UNC13C: variants seen among roughly 807,000 people sequenced by gnomAD.
UNC13C encodes the protein protein unc-13 homolog C.
A neutral mutation model predicts 245.4 loss-of-function variants in UNC13C; 174 were observed. The observed-to-expected ratio is 0.71, with a 90% CI of 0.63 to 0.80. UNC13C has a LOEUF of 0.80. Among genes scored for constraint, UNC13C ranks in the 30% least tolerant of loss-of-function variants. The pLI is 0.00. For synonymous variants in UNC13C, 992 were observed against 895.1 expected, an observed-to-expected ratio of 1.11 and a Z score of -1.93; for missense variants, 2,829 against 2,602.9, an observed-to-expected ratio of 1.09 and a Z score of -1.89.
chr15:53,950,507 A>G, the UNC13C span, among the ~76,000 whole-genome samples: 1 of 151,274 alleles, frequency 6.6e-6, no homozygotes, highest in Non-Finnish European at 1.5e-5. Context: ...ATTCTTCAGT[A>G]CTCTAATTTT....
At chr15:54,250,749 C>CTTTCTTTTTTTTTTTTTTT (rs1475632016) in intron 8 of UNC13C, among the ~76,000 whole-genome samples, 1 of 88,868 alleles carries the variant, frequency 1.1e-5, no homozygotes, top group African/African-American at 3.9e-5. Context: ...TTCTTTCTTT[C>CTTTCTTTTTTTTTTTTTTT]TTTTTTTTTT....
chr15:54,486,191 C>T (rs1193867885), intron 19 of UNC13C, among the ~76,000 whole-genome samples: 1 of 151,138 alleles, frequency 6.6e-6, no homozygotes, highest in Non-Finnish European at 1.5e-5. Flanking sequence ...GGCCGCATCA[C>T]TTGAGGTTAG....
chr15:54,014,709 G>A lies in UNC13C; in HGVS notation c.1806G>A (p.Lys602=), dbSNP rs764208672. ...CAGCGACCCTGTATGACAGTCCCAAGGACCAGCATTTGAATGGAGGTGTTC... is the reference window on the plus strand; with the variant it reads ...CAGCGACCCTGTATGACAGTCCCAAAGACCAGCATTTGAATGGAGGTGTTC... ...EGTATLYDSP[K]DQHLNGGVQG... Residue 602 remains lysine, a synonymous_variant, in exon 2 of 33, where the codon AAG becomes AAA. Coordinates refer to ENST00000260323, the MANE Select transcript of UNC13C (RefSeq NM_001080534.3). The A allele has an allele frequency of 6.2e-7, 1 of 1,613,806 alleles. No homozygotes were observed.
chr15:53,852,971 GCCTC>G, the UNC13C span, among the ~76,000 whole-genome samples: 1 of 151,514 alleles, frequency 6.6e-6, no homozygotes, highest in East Asian at 1.9e-4. Context: ...CACGCACTCT[GCCTC>G]CTCCCCCACC....
At chr15:54,334,592 T>A (rs924239575) in intron 16 of UNC13C, among the ~76,000 whole-genome samples, 3 of 152,100 alleles carry the variant, frequency 2.0e-5, no homozygotes, top group African/African-American at 7.2e-5. Context: ...AAATGGCATT[T>A]TGTAATAAAA....
chr15:54,086,402 C>T (rs1404904239), intron 2 of UNC13C, among the ~76,000 whole-genome samples: 1 of 152,130 alleles, frequency 6.6e-6, no homozygotes, highest in Non-Finnish European at 1.5e-5. Context: ...AAATTATGTT[C>T]CTTATCTCCT....
the UNC13C span, chr15:53,912,117 T>G: frequency 2.6e-5 from 4 of 152,172 alleles, no homozygotes; most frequent in African/African-American, 9.7e-5. Flanking sequence ...CTGGGGTTAC[T>G]AGAGAGAAAA....
At chr15:54,324,969 T>G (rs2038257380) in intron 14 of UNC13C, among the ~76,000 whole-genome samples, 1 of 152,056 alleles carries the variant, frequency 6.6e-6, no homozygotes, top group South Asian at 2.1e-4. Context: ...TATGCATGAT[T>G]TTTTTTATTC....
chr15:53,918,223 A>C, the UNC13C span, among the ~76,000 whole-genome samples: 192 of 152,296 alleles, frequency 1.3e-3, no homozygotes, highest in African/African-American at 4.4e-3. Context: ...CAGGGACGCA[A>C]ATCCGTGGAG....
intron 30 of UNC13C, among the ~76,000 whole-genome samples, chr15:54,570,564 T>C (rs1040069031): frequency 5.3e-5 from 8 of 152,226 alleles, no homozygotes; most frequent in African/African-American, 1.9e-4. Flanking sequence ...TCTCAGTTAG[T>C]GAATCCAGGA....
At chr15:53,946,743 A>G in the UNC13C span, among the ~76,000 whole-genome samples, 1 of 124,984 alleles carries the variant, frequency 8.0e-6, no homozygotes, top group Non-Finnish European at 1.6e-5. Context: ...ATCTGTGTCT[A>G]TTGAGATAAT....
At position 54,627,107 on chromosome 15, in the gene UNC13C, T is replaced by A; in HGVS notation, c.6639T>A (p.Ser2213Arg). ...CTGAAACAAGATCTACTGAAGAGAG[T>A]GCTTGAAACAAACACTGCAAGCTAA... ...LKSETRSTEE[S>R]A Residue 2213 changes from serine (S) to arginine (R), a missense_variant, in exon 33 of 33, where the codon AGT becomes AGA. Physicochemically the swap from Ser to Arg is moderately radical, Grantham distance 110. Coordinates refer to ENST00000260323, the MANE Select transcript of UNC13C (RefSeq NM_001080534.3). The A allele has an allele frequency of 6.2e-7, 1 of 1,607,404 alleles. No individual in the cohort carries two copies. The highest frequency in any genetic ancestry group is 8.5e-7 in the Non-Finnish European group (1 of 1,176,162).
intron 25 of UNC13C, among the ~76,000 whole-genome samples, chr15:54,529,146 G>A (rs1054748028): frequency 6.6e-6 from 1 of 152,168 alleles, no homozygotes; most frequent in Non-Finnish European, 1.5e-5. Context: ...GCCCAGAGGG[G>A]CAAGAATGGT....
intron 19 of UNC13C, among the ~76,000 whole-genome samples, chr15:54,428,235 G>A (rs564891777): frequency 4.0e-5 from 6 of 151,694 alleles, no homozygotes; most frequent in African/African-American, 1.2e-4. Context: ...TCTCTCTTCT[G>A]TTCATGACCC....
intron 1 of UNC13C, among the ~76,000 whole-genome samples, chr15:53,981,294 G>C (rs776643441): frequency 3.3e-5 from 5 of 152,026 alleles, no homozygotes; most frequent in Admixed American, 6.5e-5. Context: ...CTTTACTACG[G>C]AAAGGCATTC....
chr15:54,234,583 T>G (rs182703928), intron 4 of UNC13C, among the ~76,000 whole-genome samples: 1 of 152,314 alleles, frequency 6.6e-6, no homozygotes, highest in Non-Finnish European at 1.5e-5. Context: ...TGAGACATTA[T>G]TCTGGAGTTT....
chr15:54,147,789 C>CGTGTGTGTGTGTGTGTGTGTGTGTGTGT (rs56353727), intron 4 of UNC13C, among the ~76,000 whole-genome samples: 3 of 147,472 alleles, frequency 2.0e-5, no homozygotes, highest in African/African-American at 7.5e-5. Context: ...AAGGTGTGTG[C>CGTGTGTGTGTGTGTGTGTGTGTGTGTGT]GTGTGTGTGT....
chr15:54,163,195 G>C (rs959448479), intron 4 of UNC13C, among the ~76,000 whole-genome samples: 1 of 152,172 alleles, frequency 6.6e-6, no homozygotes, highest in Admixed American at 6.5e-5. Flanking sequence ...TAATGACAGA[G>C]GTGTCAGTTT....
intron 19 of UNC13C, among the ~76,000 whole-genome samples, chr15:54,460,632 C>G (rs1352464988): frequency 6.6e-6 from 1 of 152,236 alleles, no homozygotes; most frequent in Non-Finnish European, 1.5e-5. Context: ...AGGCAATGGG[C>G]AGGGTCATAG....
Sources: allele counts gnomAD v4.1 joint callset (sites outside exome capture counted in the v4.1 genomes callset), GRCh38; gene constraint gnomAD v4.1.1; transcripts MANE v1.5; gene names NCBI Gene and HGNC (gene_info 2026-07-23, HGNC 2026-07-21).